The following RIMBP2 variants were observed in gnomAD, a reference collection of about 807,000 sequenced individuals.
RIMBP2 encodes RIMS-binding protein 2.
RIMBP2 carries 48 observed loss-of-function variants against 118.6 expected under a neutral mutation model. The observed-to-expected ratio is 0.40, with a 90% CI of 0.32 to 0.51. The LOEUF (loss-of-function observed/expected upper bound fraction) is 0.51, where lower values mean the gene tolerates loss of function less well. Among genes scored for constraint, RIMBP2 ranks in the 20% least tolerant of loss-of-function variants. RIMBP2 has a pLI of 0.41. For missense variants in RIMBP2, 1,551 were observed against 1,768.3 expected (o/e 0.88, Z 2.20); for synonymous variants, 762 against 742.9 (o/e 1.03, Z -0.42).
chr12:130,421,864 C>T (rs987970886), intron 17 of RIMBP2, among the ~76,000 whole-genome samples: 19 of 152,112 alleles, frequency 1.2e-4, no homozygotes, highest in Admixed American at 2.0e-4. Context: ...ATGACTAAAA[C>T]GATAGCTTTC....
chr12:130,517,071 TGA>T (rs1172655310), intron 3 of RIMBP2, among the ~76,000 whole-genome samples: 1 of 152,144 alleles, frequency 6.6e-6, no homozygotes, highest in African/African-American at 2.4e-5. Context: ...AGGGCAGTAC[TGA>T]GAGGTGGGGC....
intron 2 of RIMBP2, among the ~76,000 whole-genome samples, chr12:130,568,344 C>T (rs1029428748): frequency 1.3e-5 from 2 of 152,196 alleles, no homozygotes; most frequent in Admixed American, 6.5e-5. Context: ...AACTCCTCTG[C>T]CTCCTGTGCA....
chr12:130,399,651 A>G (rs369481195), intron 22 of RIMBP2, 28 bp downstream of exon 22: 3 of 1,613,232 alleles, frequency 1.9e-6, no homozygotes, highest in Non-Finnish European at 1.7e-6. Context: ...CGGGACAGAG[A>G]TTAAAAAGGC....
chr12:130,713,149 G>A (rs1368038369), intron 1 of RIMBP2, among the ~76,000 whole-genome samples: 2 of 148,484 alleles, frequency 1.3e-5, no homozygotes, highest in Admixed American at 1.4e-4. Context: ...GAGACTGAAA[G>A]AAACGGAATA....
intron 2 of RIMBP2, among the ~76,000 whole-genome samples, chr12:130,586,521 C>T (rs2058893997): frequency 1.3e-5 from 2 of 152,038 alleles, no homozygotes; most frequent in East Asian, 1.9e-4. Context: ...AGAAATAACG[C>T]CACATATCTA....
At chr12:130,522,580 C>T (rs917275512) in intron 2 of RIMBP2, among the ~76,000 whole-genome samples, 1 of 152,252 alleles carries the variant, frequency 6.6e-6, no homozygotes, top group African/African-American at 2.4e-5. Context: ...ATAGACACAT[C>T]TACAGGCGGA....
chr12:130,588,104 T>A (rs1355560943), intron 2 of RIMBP2, among the ~76,000 whole-genome samples: 1 of 151,808 alleles, frequency 6.6e-6, no homozygotes, highest in Non-Finnish European at 1.5e-5. Flanking sequence ...ATCTGAATCA[T>A]CTCCTTTCCC....
At position 130,664,413 on chromosome 12, in the gene RIMBP2, A is replaced by G. The variant is rs1207677009; in HGVS notation, c.-351-35957T>C. 6.6e-5 allele frequency among the ~76,000 whole-genome samples: 8 copies of G among 121,236 alleles called. 1 individual carries two copies. Among genetic ancestry groups the G allele is most frequent in the African/African-American group, 2.1e-4 (7 of 33,238 alleles). The allele number at this position is 121,236 out of a possible 152,430, so 79.5% of individuals were successfully genotyped here. On this transcript the variant is annotated intron_variant, in intron 1 of 22. Transcript: ENST00000690449. ...TGCACACACACGCACGCACGCACGCACACACACGCACACACATGCATGCAC... is the reference window on the plus strand; with the variant it reads ...TGCACACACACGCACGCACGCACGCGCACACACGCACACACATGCATGCAC...
intron 2 of RIMBP2, among the ~76,000 whole-genome samples, chr12:130,595,202 TC>T (rs2059481286): frequency 6.6e-6 from 1 of 152,174 alleles, no homozygotes; most frequent in Non-Finnish European, 1.5e-5. Context: ...GATTGAACCA[TC>T]TCTCTCAGCA....
chr12:130,548,267 G>C (rs572797938), intron 2 of RIMBP2, among the ~76,000 whole-genome samples: 2 of 152,294 alleles, frequency 1.3e-5, no homozygotes, highest in Middle Eastern at 3.4e-3. Flanking sequence ...GAGGCACAGA[G>C]TTCTGAAGCC....
chr12:130,443,069 C>T (rs528647264), intron 10 of RIMBP2, among the ~76,000 whole-genome samples: 2 of 152,278 alleles, frequency 1.3e-5, no homozygotes, highest in African/African-American at 4.8e-5. Flanking sequence ...TCAGTCAAAT[C>T]AGTGGCTTTT....
At chr12:130,460,186 C>T (rs892249761) in intron 6 of RIMBP2, among the ~76,000 whole-genome samples, 2 of 152,152 alleles carry the variant, frequency 1.3e-5, no homozygotes, top group Non-Finnish European at 2.9e-5. Context: ...GGGTGTTCAT[C>T]AGGGCCGGGT....
intron 6 of RIMBP2, chr12:130,464,937 G>A (rs2080325759): frequency 1.3e-5 from 2 of 152,284 alleles, no homozygotes; most frequent in Admixed American, 6.5e-5. Context: ...CCACAGACAT[G>A]GTTCCATTTT....
chr12:130,543,736 T>C (rs2054825196), intron 2 of RIMBP2, among the ~76,000 whole-genome samples: 1 of 150,164 alleles, frequency 6.7e-6, no homozygotes, highest in African/African-American at 2.4e-5. Flanking sequence ...ATCATGAAAA[T>C]TAAGTTGGGT....
intron 1 of RIMBP2, among the ~76,000 whole-genome samples, chr12:130,693,397 G>T (rs1260572986): frequency 7.5e-6 from 1 of 134,054 alleles, no homozygotes; most frequent in Non-Finnish European, 1.5e-5. Flanking sequence ...TGCCTGTGAT[G>T]GGGGGTCGCC....
chr12:130,505,509 C>A (rs1593563801), intron 4 of RIMBP2, among the ~76,000 whole-genome samples: 1 of 101,468 alleles, frequency 9.9e-6, no homozygotes, highest in Non-Finnish European at 2.0e-5. Context: ...ACCACCATCC[C>A]TGGAGGGGTC....
chr12:130,615,128 A>G (rs1300536390), intron 2 of RIMBP2, among the ~76,000 whole-genome samples: 1 of 147,454 alleles, frequency 6.8e-6, no homozygotes, highest in East Asian at 1.9e-4. Context: ...TATGTGTATT[A>G]TGTATACATT....
chr12:130,639,511 A>AC, intron 1 of RIMBP2, among the ~76,000 whole-genome samples: 1 of 123,234 alleles, frequency 8.1e-6, no homozygotes, highest in African/African-American at 2.8e-5. Flanking sequence ...AAAAAAAAAA[A>AC]AACCAACTAA....
At chr12:130,698,010 A>T (rs2065655241) in intron 1 of RIMBP2, among the ~76,000 whole-genome samples, 1 of 152,164 alleles carries the variant, frequency 6.6e-6, no homozygotes, top group Non-Finnish European at 1.5e-5. Context: ...TTCAACAGCT[A>T]ACTTGCGGTC....
Sources: allele counts gnomAD v4.1 joint callset (sites outside exome capture counted in the v4.1 genomes callset), GRCh38; gene constraint gnomAD v4.1.1; transcripts MANE v1.5; gene names NCBI Gene and HGNC (gene_info 2026-07-23, HGNC 2026-07-21).